FYB1: variants seen among roughly 807,000 people sequenced by gnomAD.
FYB1 encodes the protein FYN binding protein 1.
A neutral mutation model predicts 94.1 loss-of-function variants in FYB1; 41 were observed. That is an observed-to-expected ratio of 0.44 (90% CI 0.34 to 0.57). The LOEUF is 0.57. FYB1 is among the 20% of genes least tolerant of loss of function. FYB1 has a pLI of 0.02. For synonymous variants in FYB1, 367 were observed against 353.2 expected (o/e 1.04, Z -0.44); for missense variants, 1,050 against 976.8 (o/e 1.07, Z -1.00).
intron 9 of FYB1, among the ~76,000 whole-genome samples, chr5:39,131,160 G>C (rs868271779): frequency 6.6e-6 from 1 of 152,034 alleles, no homozygotes; most frequent in Middle Eastern, 3.2e-3. Flanking sequence ...CAGATTGCCT[G>C]TGTTTCTTAC....
intron 1 of FYB1, among the ~76,000 whole-genome samples, chr5:39,208,514 T>A (rs1307345395): frequency 1.3e-5 from 2 of 152,214 alleles, no homozygotes; most frequent in Non-Finnish European, 1.5e-5. Flanking sequence ...ACTTACTTAT[T>A]CGGTCTCAAC....
rs138477130 is a variant in FYB1, at chr5:39,204,454, G to C, written c.-27-1467C>G. 1.3e-3 allele frequency among the ~76,000 whole-genome samples: 198 copies of C among 152,276 alleles called. 2 individuals carry two copies. The highest frequency in any genetic ancestry group is 4.5e-3 in the African/African-American group (189 of 41,548). On this transcript the variant is annotated intron_variant, in intron 1 of 18. Coordinates refer to ENST00000512982, the MANE Select transcript of FYB1 (RefSeq NM_001465.6). ...TAAACATGGAATTTGTAAAATGCCT[G>C]TCTGGTGTACAATATGGGTTCAATA...
At chr5:39,273,821 T>C (rs778800473) in intron 1 of FYB1, among the ~76,000 whole-genome samples, 1 of 152,146 alleles carries the variant, frequency 6.6e-6, no homozygotes, top group Non-Finnish European at 1.5e-5. Flanking sequence ...CAACTTCATT[T>C]TTTAAACTCA....
chr5:39,256,466 A>G (rs995887811), intron 1 of FYB1, among the ~76,000 whole-genome samples: 2 of 152,178 alleles, frequency 1.3e-5, no homozygotes, highest in Non-Finnish European at 2.9e-5. Flanking sequence ...CCATCAAGAC[A>G]TGGTTATCCT....
At chr5:39,172,389 T>C (rs1052001698) in intron 2 of FYB1, among the ~76,000 whole-genome samples, 19 of 151,754 alleles carry the variant, frequency 1.3e-4, no homozygotes, top group Non-Finnish European at 1.5e-4. Flanking sequence ...GAGGTTGCAG[T>C]GAGCCGAGAT....
chr5:39,123,172 A>C (rs1490914496), intron 13 of FYB1, among the ~76,000 whole-genome samples: 1 of 152,294 alleles, frequency 6.6e-6, no homozygotes, highest in East Asian at 1.9e-4. Context: ...TATTTTAAGG[A>C]GTTATTACCA....
chr5:39,259,972 G>A (rs1561314997), intron 1 of FYB1, among the ~76,000 whole-genome samples: 1 of 152,196 alleles, frequency 6.6e-6, no homozygotes, highest in Non-Finnish European at 1.5e-5. Flanking sequence ...CACTAGGACA[G>A]TTGGTGACTC....
intron 3 of FYB1, among the ~76,000 whole-genome samples, chr5:39,145,067 A>T (rs1742524872): frequency 6.6e-6 from 1 of 152,202 alleles, no homozygotes; most frequent in African/African-American, 2.4e-5. Context: ...GGTATAGATA[A>T]GACAAGATTG....
At chr5:39,272,670 CAAAAA>C (rs1195291951) in intron 1 of FYB1, among the ~76,000 whole-genome samples, 2 of 70,874 alleles carry the variant, frequency 2.8e-5, no homozygotes, top group Non-Finnish European at 5.3e-5. Context: ...AGACTCATCT[CAAAAA>C]AAAAAAAAAA....
intron 2 of FYB1, chr5:39,169,808 C>A (rs1192493429): frequency 3.9e-6 from 2 of 508,084 alleles, no homozygotes; most frequent in East Asian, 4.5e-5. Context: ...AAAGAATTTT[C>A]TTCAGTGGTT....
At chr5:39,156,325 G>T (rs557296483) in intron 2 of FYB1, among the ~76,000 whole-genome samples, 26 of 152,244 alleles carry the variant, frequency 1.7e-4, no homozygotes, top group Middle Eastern at 3.4e-3. Context: ...CCCAGGAAGG[G>T]GTGTGCTTGC....
rs574386498 is a variant in FYB1, at chr5:39,177,827, G to A, written c.1135+23999C>T. Among the ~76,000 whole-genome samples the A allele has an allele frequency of 9.9e-5, 15 of 152,278 alleles. No homozygotes were observed. In the East Asian group the frequency reaches 2.5e-3, roughly 25 times the overall value. Reference sequence around the variant, plus strand: ...TTTGAACAACAAAGTTGCTGAAGCTGTTAGAAGCTGCAAGAATACCCACTT... The same window carrying A: ...TTTGAACAACAAAGTTGCTGAAGCTATTAGAAGCTGCAAGAATACCCACTT... On this transcript the variant is annotated intron_variant, in intron 2 of 18. Transcript: ENST00000512982.
At chr5:39,169,062 A>AATACTT in intron 2 of FYB1, 1 of 551,936 alleles carries the variant, frequency 1.8e-6, no homozygotes, top group South Asian at 2.1e-5. Flanking sequence ...TAGGTAGCAG[A>AATACTT]ATACTTGCAT....
At chr5:39,239,111 T>C (rs959737828) in intron 1 of FYB1, among the ~76,000 whole-genome samples, 1 of 152,004 alleles carries the variant, frequency 6.6e-6, no homozygotes, top group African/African-American at 2.4e-5. Context: ...AAATTCATCA[T>C]CCCTTCATGT....
intron 2 of FYB1, among the ~76,000 whole-genome samples, chr5:39,165,479 A>G (rs1744638895): frequency 6.6e-6 from 1 of 152,230 alleles, no homozygotes; most frequent in African/African-American, 2.4e-5. Context: ...CACCATACAC[A>G]AGAAATTAAT....
At chr5:39,258,227 T>C (rs980963617) in intron 1 of FYB1, among the ~76,000 whole-genome samples, 1 of 152,192 alleles carries the variant, frequency 6.6e-6, no homozygotes, top group African/African-American at 2.4e-5. Flanking sequence ...TCATCTACCC[T>C]GATGCTGAAA....
chr5:39,137,845 C>G, intron 6 of FYB1, 125 bp from the exon 7 acceptor site: 1 of 1,291,764 alleles, frequency 7.7e-7, no homozygotes, highest in Non-Finnish European at 1.1e-6. Context: ...AGGTAAAAAG[C>G]GAAAGGTTGT....
At chr5:39,194,363 A>T (rs1373579796) in intron 2 of FYB1, among the ~76,000 whole-genome samples, 2 of 152,078 alleles carry the variant, frequency 1.3e-5, no homozygotes, top group Non-Finnish European at 2.9e-5. Flanking sequence ...TCTACAAAAA[A>T]TTTAAAAAAT....
chr5:39,236,375 G>A (rs1402222788), intron 1 of FYB1, among the ~76,000 whole-genome samples: 1 of 152,034 alleles, frequency 6.6e-6, no homozygotes, highest in African/African-American at 2.4e-5. Context: ...GGAAAATAAG[G>A]TATTCAATAA....
Sources: allele counts gnomAD v4.1 joint callset (sites outside exome capture counted in the v4.1 genomes callset), GRCh38; gene constraint gnomAD v4.1.1; transcripts MANE v1.5; gene names NCBI Gene and HGNC (gene_info 2026-07-23, HGNC 2026-07-21).